MAP2: variants seen among roughly 807,000 people sequenced by gnomAD.
The protein encoded by MAP2 is microtubule associated protein 2, also known as microtubule-associated protein 2.
In MAP2, 14 loss-of-function variants were observed where a neutral mutation model predicts 137.6. The ratio of observed to expected loss-of-function variants is 0.10; its 90% CI spans 0.07 to 0.16. The LOEUF (loss-of-function observed/expected upper bound fraction) is 0.16, where lower values mean the gene tolerates loss of function less well. Among genes scored for constraint, MAP2 ranks in the 10% least tolerant of loss-of-function variants. The probability of loss-of-function intolerance (pLI) is 1.00; values close to 1 mark genes in which losing one functional copy is unlikely to be tolerated. For missense variants in MAP2, 2,088 were observed against 2,191.5 expected (o/e 0.95, Z 0.94); for synonymous variants, 786 against 782.3 (o/e 1.00, Z -0.08).
At chr2:209,460,562 CTTCCCTTCTCT>C (rs1394041948) in intron 1 of MAP2, among the ~76,000 whole-genome samples, 1 of 151,310 alleles carries the variant, frequency 6.6e-6, no homozygotes, top group Non-Finnish European at 1.5e-5. Context: ...TCTTTCCTTC[CTTCCCTTCTCT>C]TTCCCTTCTC....
intron 1 of MAP2, among the ~76,000 whole-genome samples, chr2:209,504,372 A>G (rs116475808): frequency 0.023 from 3,460 of 152,324 alleles, 123 homozygotes; most frequent in African/African-American, 0.078. Context: ...AATATTAAAG[A>G]TATCAGGATG....
intron 1 of MAP2, among the ~76,000 whole-genome samples, chr2:209,498,294 G>C (rs1260452236): frequency 1.3e-5 from 2 of 152,214 alleles, no homozygotes; most frequent in African/African-American, 4.8e-5. Flanking sequence ...CAATGAGGGG[G>C]CTCCTAAGGC....
chr2:209,702,002 T>A (rs572492244), intron 11 of MAP2, among the ~76,000 whole-genome samples: 1 of 152,152 alleles, frequency 6.6e-6, no homozygotes, highest in African/African-American at 2.4e-5. Flanking sequence ...AATGTAATGA[T>A]GTTATAAAAC....
chr2:209,678,085 T>G (rs1460412993), intron 5 of MAP2, among the ~76,000 whole-genome samples: 1 of 152,022 alleles, frequency 6.6e-6, no homozygotes, highest in Non-Finnish European at 1.5e-5. Context: ...AAATTCAAAA[T>G]GAACCCTCTC....
In MAP2 at chr2:209,729,731, A is replaced by G. The variant is rs2075388711; in HGVS notation, c.5156-119A>G. 1.7e-5 allele frequency: 11 copies of G among 643,708 alleles called. No individual in the cohort carries two copies. The Admixed American group carries it at 2.8e-4, about 16-fold the overall frequency. 39.9% of individuals were successfully genotyped at this position (643,708 alleles called of 1,614,324 possible). A position where few individuals can be genotyped will look rare whatever the true frequency, so the allele number is the denominator to read the frequency against. On this transcript the variant is annotated intron_variant, in intron 14 of 15. Transcript: ENST00000682079. Reference sequence around the variant, plus strand: ...AGACTCTTTTTACATATATGGTTGGAGGGATGGTAAAGTTAATAAATTTGT... The same window carrying G: ...AGACTCTTTTTACATATATGGTTGGGGGGATGGTAAAGTTAATAAATTTGT...
rs139597017 is a variant in MAP2, at chr2:209,472,872, T to C, written c.-221-34720T>C. Reference sequence around the variant, plus strand: ...TGAATTAGAAGGAAGTTGAGAGATCTTCTAGTCAAGTCTGTCTTATAGGAA... The same window carrying C: ...TGAATTAGAAGGAAGTTGAGAGATCCTCTAGTCAAGTCTGTCTTATAGGAA... On this transcript the variant is annotated intron_variant, in intron 1 of 15. Transcript: ENST00000682079. 1.9e-3 allele frequency among the ~76,000 whole-genome samples: 290 copies of C among 152,310 alleles called. 1 individual carries two copies. The South Asian group carries it at 0.026, about 14-fold the overall frequency.
intron 1 of MAP2, among the ~76,000 whole-genome samples, chr2:209,449,163 A>T (rs1699774510): frequency 6.6e-6 from 1 of 152,210 alleles, no homozygotes; most frequent in Non-Finnish European, 1.5e-5. Context: ...GGAAGACTCA[A>T]CCATTAGGTT....
At chr2:209,638,148 G>A in intron 4 of MAP2, among the ~76,000 whole-genome samples, 1 of 152,076 alleles carries the variant, frequency 6.6e-6, no homozygotes. Flanking sequence ...TTTAGCAAAT[G>A]TATGTCCCAT....
chr2:209,572,161 A>G (rs1253823468), intron 2 of MAP2, among the ~76,000 whole-genome samples: 2 of 152,018 alleles, frequency 1.3e-5, no homozygotes, highest in African/African-American at 4.8e-5. Context: ...ATAACTCAGA[A>G]GTATTAAAGC....
intron 2 of MAP2, among the ~76,000 whole-genome samples, chr2:209,528,931 T>C (rs1220511909): frequency 6.6e-6 from 1 of 150,872 alleles, no homozygotes; most frequent in Non-Finnish European, 1.5e-5. Flanking sequence ...TACATATATA[T>C]ACATACATAT....
At chr2:209,460,298 A>C (rs1559189577) in intron 1 of MAP2, among the ~76,000 whole-genome samples, 1 of 152,210 alleles carries the variant, frequency 6.6e-6, no homozygotes, top group Non-Finnish European at 1.5e-5. Context: ...CCGTGTTTAC[A>C]ATGACGGTCT....
intron 1 of MAP2, among the ~76,000 whole-genome samples, chr2:209,499,732 A>G (rs928427834): frequency 1.2e-4 from 18 of 152,148 alleles, no homozygotes; most frequent in Non-Finnish European, 2.5e-4. Flanking sequence ...CAGGCACTTC[A>G]CATGGTGAAA....
At chr2:209,592,235 C>T (rs2079456878) in intron 3 of MAP2, among the ~76,000 whole-genome samples, 1 of 152,092 alleles carries the variant, frequency 6.6e-6, no homozygotes, top group Admixed American at 6.6e-5. Flanking sequence ...CTACAATGTA[C>T]TCTGTCATTG....
chr2:209,450,880 G>C (rs1050448724), intron 1 of MAP2, among the ~76,000 whole-genome samples: 4 of 152,086 alleles, frequency 2.6e-5, no homozygotes, highest in African/African-American at 7.2e-5. Flanking sequence ...AATGAGATTA[G>C]AAACTGGAAG....
chr2:209,686,669 A>C (rs1022049055), intron 7 of MAP2, among the ~76,000 whole-genome samples: 5 of 152,226 alleles, frequency 3.3e-5, no homozygotes, highest in African/African-American at 1.2e-4. Context: ...TCCAAATGCT[A>C]AGCAGACTGA....
chr2:209,664,506 G>A (rs144929519), intron 5 of MAP2, among the ~76,000 whole-genome samples: 326 of 152,192 alleles, frequency 2.1e-3, no homozygotes, highest in African/African-American at 7.4e-3. Context: ...GTCAGATCAC[G>A]CCACTGCACT....
At position 209,593,658 on chromosome 2, in the gene MAP2, T is replaced by A. The variant is rs1211972346; in HGVS notation, c.-107+13558T>A. On this transcript the variant is annotated intron_variant, in intron 3 of 15. Transcript: ENST00000682079. ...AAATATATATATATATATATATATA[T>A]ATATATATATATATATGTATTATAA... 6.1e-4 allele frequency among the ~76,000 whole-genome samples: 49 copies of A among 79,874 alleles called. 3 individuals carry two copies. Among genetic ancestry groups the A allele is most frequent in the South Asian group, 2.2e-3 (6 of 2,698 alleles). 52.4% of individuals were successfully genotyped at this position (79,874 alleles called of 152,430 possible). A position where few individuals can be genotyped will look rare whatever the true frequency, so the allele number is the denominator to read the frequency against.
At chr2:209,586,570 C>T (rs1043436317) in intron 3 of MAP2, among the ~76,000 whole-genome samples, 1 of 151,990 alleles carries the variant, frequency 6.6e-6, no homozygotes, top group African/African-American at 2.4e-5. Flanking sequence ...AGTGGGCTAA[C>T]AAATAAAATT....
chr2:209,434,498 G>A (rs996541020), intron 1 of MAP2, among the ~76,000 whole-genome samples: 7 of 151,300 alleles, frequency 4.6e-5, no homozygotes, highest in African/African-American at 1.7e-4. Flanking sequence ...TTACTTTAAT[G>A]TGGAACCATT....
Sources: allele counts gnomAD v4.1 joint callset (sites outside exome capture counted in the v4.1 genomes callset), GRCh38; gene constraint gnomAD v4.1.1; transcripts MANE v1.5; gene names NCBI Gene and HGNC (gene_info 2026-07-23, HGNC 2026-07-21).